The following MAML2 variants were observed in gnomAD, a reference collection of about 807,000 sequenced individuals.
MAML2 encodes mastermind like transcriptional coactivator 2.
In MAML2, 22 loss-of-function variants were observed where a neutral mutation model predicts 96.1. That is an observed-to-expected ratio of 0.23 (90% CI 0.16 to 0.33). MAML2 has a LOEUF of 0.33. Among genes scored for constraint, MAML2 ranks in the 10% least tolerant of loss-of-function variants. MAML2 has a pLI of 1.00. For missense variants in MAML2, 1,367 were observed against 1,392.4 expected (o/e 0.98, Z 0.29); for synonymous variants, 561 against 521.3 (o/e 1.08, Z -1.04).
At chr11:96,048,182 C>T (rs1007686041) in intron 2 of MAML2, among the ~76,000 whole-genome samples, 1 of 152,104 alleles carries the variant, frequency 6.6e-6, no homozygotes, top group East Asian at 1.9e-4. Context: ...TAAAAAGGTG[C>T]ACCACTTTTA....
Position 95,978,869 on chromosome 11 carries a change from A to G in MAML2, c.*79T>C. ...CTTCATGTAGTCCACCTGAACATCA[A>G]CAGTTCAGCCTCTACAGAGTTTCTG... On this transcript the variant is annotated 3_prime_UTR_variant, in exon 5 of 5. Transcript: ENST00000524717. The G allele has an allele frequency of 7.9e-7, 1 of 1,270,654 alleles. No individual in the cohort carries two copies. Among genetic ancestry groups the G allele is most frequent in the East Asian group, 2.5e-5 (1 of 40,760 alleles). The allele number at this position is 1,270,654 out of a possible 1,614,324, so 78.7% of individuals were successfully genotyped here.
rs147206417 is a variant in MAML2, at chr11:96,067,367, A to G, written c.2139+24525T>C. 4.1e-3 allele frequency among the ~76,000 whole-genome samples: 617 copies of G among 152,342 alleles called. 5 individuals carry two copies. The highest frequency in any genetic ancestry group is 0.014 in the African/African-American group (585 of 41,580). ...ATGCCTTCTTCCGCCAACAGAGCAC[A>G]CATTTAGAGAAGTAACAAAGGCCAT... On this transcript the variant is annotated intron_variant, in intron 2 of 4. Transcript: ENST00000524717.
At chr11:96,285,570 A>G (rs905682020) in intron 1 of MAML2, among the ~76,000 whole-genome samples, 3 of 152,168 alleles carry the variant, frequency 2.0e-5, no homozygotes. Flanking sequence ...TTTGCAATCT[A>G]TCCATCTGAC....
chr11:96,338,987 A>G (rs1863954284), intron 1 of MAML2, among the ~76,000 whole-genome samples: 1 of 152,206 alleles, frequency 6.6e-6, no homozygotes, highest in South Asian at 2.1e-4. Flanking sequence ...TTGCATCACC[A>G]TCTCTGAGTA....
chr11:95,979,401 G>T lies in MAML2; in HGVS notation c.3018C>A (p.Ser1006Arg). 1 of 1,613,558 alleles carries T rather than the reference G, an allele frequency of 6.2e-7. No individual in the cohort carries two copies. The highest frequency in any genetic ancestry group is 8.5e-7 in the Non-Finnish European group (1 of 1,179,732). The change falls in exon 5 of 5, where the codon AGC (serine) becomes AGA (arginine). Residue 1006 changes from serine to arginine, a missense_variant. Physicochemically the swap from Ser to Arg is moderately radical, Grantham distance 110. Transcript: ENST00000524717. ...CCACTGCCCTCTGGGAAAATTGCTG[G>T]CTACCTACTGCCTGTTGCAGTGACT... is the stretch of plus-strand genomic sequence containing the variant. ...PNQSLQQAVG[S>R]QQFSQRAVAP... is the part of the protein sequence containing the mutation.
At chr11:96,053,689 T>C (rs1859021033) in intron 2 of MAML2, among the ~76,000 whole-genome samples, 1 of 152,182 alleles carries the variant, frequency 6.6e-6, no homozygotes, top group African/African-American at 2.4e-5. Flanking sequence ...CCTGTGTACT[T>C]ATGTTTCTAT....
intron 1 of MAML2, among the ~76,000 whole-genome samples, chr11:96,336,108 A>ATTAGAAATATTAGAAATATG (rs1327378358): frequency 6.6e-6 from 1 of 152,232 alleles, no homozygotes; most frequent in Non-Finnish European, 1.5e-5. Context: ...CCAAGAAAAT[A>ATTAGAAATATTAGAAATATG]ACAAAATTAT....
chr11:96,295,836 C>T (rs923771031), intron 1 of MAML2, among the ~76,000 whole-genome samples: 11 of 151,306 alleles, frequency 7.3e-5, no homozygotes, highest in Non-Finnish European at 1.5e-4. Flanking sequence ...ATCATTCATC[C>T]ACAACCTTCT....
rs554767600 is a variant in MAML2 at position 96,035,394 on chromosome 11, C to A, written c.2140-43671G>T. On this transcript the variant is annotated intron_variant, in intron 2 of 4. Transcript: ENST00000524717. ...TTTCTCACAGCACCTTCTTTTGGAA[C>A]AATCTGCTCTGCCTAGATCAATCAA... 6.5e-4 allele frequency among the ~76,000 whole-genome samples: 99 copies of A among 152,340 alleles called. 1 individual carries two copies. In the South Asian group the frequency reaches 0.012, roughly 18 times the overall value.
chr11:96,006,084 G>T (rs1858174202), intron 2 of MAML2, among the ~76,000 whole-genome samples: 1 of 152,174 alleles, frequency 6.6e-6, no homozygotes, highest in South Asian at 2.1e-4. Context: ...ATAATGGACA[G>T]AAAGGACATT....
At chr11:96,191,226 G>A (rs1591064504) in intron 1 of MAML2, among the ~76,000 whole-genome samples, 1 of 152,184 alleles carries the variant, frequency 6.6e-6, no homozygotes, top group African/African-American at 2.4e-5. Flanking sequence ...AGCACTTTGG[G>A]AGGCTGAAGC....
At chr11:96,331,838 T>G (rs1591136802) in intron 1 of MAML2, among the ~76,000 whole-genome samples, 1 of 151,526 alleles carries the variant, frequency 6.6e-6, no homozygotes, top group East Asian at 1.9e-4. Flanking sequence ...AAAAAAAGCT[T>G]TAATTTCTTC....
At chr11:96,179,364 A>G (rs1191431499) in intron 1 of MAML2, among the ~76,000 whole-genome samples, 1 of 152,246 alleles carries the variant, frequency 6.6e-6, no homozygotes, top group Non-Finnish European at 1.5e-5. Flanking sequence ...TATGACTTCG[A>G]GGTCCACAGC....
intron 1 of MAML2, among the ~76,000 whole-genome samples, chr11:96,150,024 A>G (rs1191123793): frequency 6.6e-6 from 1 of 152,160 alleles, no homozygotes; most frequent in Non-Finnish European, 1.5e-5. Flanking sequence ...ACTTCTAACT[A>G]CTTGTTGGAT....
At chr11:96,004,817 G>C (rs1475581480) in intron 2 of MAML2, among the ~76,000 whole-genome samples, 1 of 152,088 alleles carries the variant, frequency 6.6e-6, no homozygotes, top group African/African-American at 2.4e-5. Context: ...ACAGTCTCTG[G>C]CCCCTATGAG....
At chr11:96,111,947 T>C (rs1860131004) in intron 1 of MAML2, among the ~76,000 whole-genome samples, 1 of 30,774 alleles carries the variant, frequency 3.2e-5, no homozygotes, top group Non-Finnish European at 7.3e-5. Flanking sequence ...AGTTTTCTTT[T>C]TTTCTAAAAA....
At chr11:96,157,373 G>A (rs984766418) in intron 1 of MAML2, among the ~76,000 whole-genome samples, 2 of 152,244 alleles carry the variant, frequency 1.3e-5, no homozygotes, top group Admixed American at 6.5e-5. Context: ...ATAAGGCAAT[G>A]TTTATCATCC....
intron 1 of MAML2, among the ~76,000 whole-genome samples, chr11:96,336,043 GCTGA>G (rs1365915879): frequency 2.0e-5 from 3 of 152,146 alleles, no homozygotes; most frequent in Admixed American, 2.0e-4. Flanking sequence ...CAGGCACTAT[GCTGA>G]CTGTTTTGCT....
At chr11:96,098,137 G>T (rs1859863543) in intron 1 of MAML2, among the ~76,000 whole-genome samples, 1 of 152,166 alleles carries the variant, frequency 6.6e-6, no homozygotes, top group Non-Finnish European at 1.5e-5. Context: ...GGACACAGGG[G>T]GTTGGATGGC....
Sources: gnomAD v4.1 joint callset for allele counts (sites outside exome capture counted in the v4.1 genomes callset) on GRCh38, gnomAD v4.1.1 for gene constraint, MANE v1.5 for transcripts, NCBI Gene and HGNC (gene_info 2026-07-23, HGNC 2026-07-21) for gene names.